CERKL: variants seen among roughly 807,000 people sequenced by gnomAD.
CERKL encodes CERK like autophagy regulator, also known as ceramide kinase-like protein.
A neutral mutation model predicts 63.4 loss-of-function variants in CERKL; 61 were observed. That is an observed-to-expected ratio of 0.96 (90% CI 0.78 to 1.19). CERKL has a LOEUF of 1.19. CERKL is among the 50% of genes most tolerant of loss of function. The pLI, the probability that CERKL is intolerant of heterozygous loss-of-function variation, is 0.00. For synonymous variants in CERKL, 250 were observed against 230.5 expected, an observed-to-expected ratio of 1.08 and a Z score of -0.77; for missense variants, 675 against 655.5, an observed-to-expected ratio of 1.03 and a Z score of -0.33.
chr2:181,554,164 C>CAAAAAAAAAAAAAAAAAAAA lies in CERKL; in HGVS notation c.820+4382_820+4401dup, dbSNP rs36086391. ...AAATACCAGGGAGAAACTATGGAGG[C>CAAAAAAAAAAAAAAAAAAAA]AAAAAAAAAAAAAAAAAAAAAATGT... On this transcript the variant is annotated intron_variant, in intron 5 of 12. Coordinates refer to ENST00000410087, the MANE Select transcript of CERKL (RefSeq NM_201548.5). Among the ~76,000 whole-genome samples the CAAAAAAAAAAAAAAAAAAAA allele has an allele frequency of 2.1e-5, 2 of 94,282 alleles. 1 individual carries two copies. The highest frequency in any genetic ancestry group is 4.2e-5 in the Non-Finnish European group (2 of 47,530). The allele number at this position is 94,282 out of a possible 152,430, so 61.9% of individuals were successfully genotyped here.
chr2:181,539,275 AT>A lies in CERKL; in HGVS notation c.1366-12del, dbSNP rs1221475079. 7.9e-6 allele frequency: 12 copies of A among 1,522,950 alleles called. No individual in the cohort carries two copies. In the Admixed American group the frequency reaches 1.8e-4, roughly 23 times the overall value. 94.3% of individuals were successfully genotyped at this position (1,522,950 alleles called of 1,614,324 possible). ...AAATGGAAAATTGAACTAAAAATAA[AT>A]ACAAATAATCATTATACTTGGTTTA... On this transcript the variant is annotated splice_polypyrimidine_tract_variant and intron_variant, in intron 11 of 12. Coordinates refer to ENST00000410087, the MANE Select transcript of CERKL (RefSeq NM_201548.5).
intron 3 of CERKL, among the ~76,000 whole-genome samples, chr2:181,571,935 C>G (rs1688919606): frequency 6.6e-6 from 1 of 152,164 alleles, no homozygotes; most frequent in African/African-American, 2.4e-5. Context: ...ATGCACACCT[C>G]TCCCCATCCC....
intron 1 of CERKL, among the ~76,000 whole-genome samples, chr2:181,619,792 T>G (rs146572116): frequency 6.6e-6 from 1 of 152,274 alleles, no homozygotes; most frequent in East Asian, 1.9e-4. Context: ...TACTACTCAG[T>G]TGACATTTAA....
At chr2:181,654,600 T>C (rs1030496004) in intron 1 of CERKL, among the ~76,000 whole-genome samples, 8 of 152,168 alleles carry the variant, frequency 5.3e-5, no homozygotes, top group Non-Finnish European at 8.8e-5. Flanking sequence ...GCAATGGACA[T>C]GCTCTCCCCC....
rs562299288 is a variant in CERKL, at chr2:181,638,244, G to C, written c.238+18525C>G. On this transcript the variant is annotated intron_variant, in intron 1 of 12. Transcript: ENST00000410087. ...ACATAGGGGAAGTTTTAGCAATGAT[G>C]TTGCTTAGTTCTCAAATTGAGGTCT... Among the ~76,000 whole-genome samples the C allele has an allele frequency of 3.1e-4, 47 of 152,288 alleles. 1 individual carries two copies. Among genetic ancestry groups the C allele is most frequent in the African/African-American group, 1.0e-3 (43 of 41,554 alleles).
chr2:181,646,790 G>T (rs1337286556), intron 1 of CERKL, among the ~76,000 whole-genome samples: 4 of 152,178 alleles, frequency 2.6e-5, no homozygotes, highest in African/African-American at 9.7e-5. Flanking sequence ...TGAGCAATTA[G>T]AAGACTTCTG....
chr2:181,656,470 G>C (rs7570291), intron 1 of CERKL, among the ~76,000 whole-genome samples: 64,844 of 151,802 alleles, frequency 0.43, 15,500 homozygotes, highest in South Asian at 0.77. Flanking sequence ...TTTCTGCTGA[G>C]ACTCTGAGCA....
chr2:181,625,924 T>C (rs889956980), intron 1 of CERKL, among the ~76,000 whole-genome samples: 2 of 152,330 alleles, frequency 1.3e-5, no homozygotes, highest in East Asian at 3.9e-4. Flanking sequence ...TATTGTTTAA[T>C]AGACAAAAAT....
chr2:181,606,084 G>T (rs1685664983), intron 1 of CERKL, among the ~76,000 whole-genome samples: 1 of 149,056 alleles, frequency 6.7e-6, no homozygotes, highest in Admixed American at 6.8e-5. Context: ...GAAAAAGAAA[G>T]AGAAAGAAAG....
At chr2:181,593,668 A>G (rs1431411850) in intron 2 of CERKL, among the ~76,000 whole-genome samples, 1 of 152,024 alleles carries the variant, frequency 6.6e-6, no homozygotes. Flanking sequence ...TCTTTTGCCA[A>G]TATAAAGGGT....
In CERKL at chr2:181,538,053, C is replaced by T; in HGVS notation, c.*131G>A. Reference sequence around the variant, plus strand: ...GGAACAGTTCATCCTGAAACCATTCCCCCATCCACGGAAAAATTGTCTTCC... The same window carrying T: ...GGAACAGTTCATCCTGAAACCATTCTCCCATCCACGGAAAAATTGTCTTCC... On this transcript the variant is annotated 3_prime_UTR_variant, in exon 13 of 13. Transcript: ENST00000410087. The T allele has an allele frequency of 1.4e-6, 1 of 706,532 alleles. No individual in the cohort carries two copies. The highest frequency in any genetic ancestry group is 2.6e-6 in the Non-Finnish European group (1 of 379,338). 43.8% of individuals were successfully genotyped at this position (706,532 alleles called of 1,614,324 possible). A position where few individuals can be genotyped will look rare whatever the true frequency, so the allele number is the denominator to read the frequency against.
chr2:181,579,895 T>G (rs1684424759), intron 2 of CERKL, among the ~76,000 whole-genome samples: 1 of 151,910 alleles, frequency 6.6e-6, no homozygotes, highest in South Asian at 2.1e-4. Flanking sequence ...AATTTTTGTA[T>G]GTGTTTGGAT....
At chr2:181,576,979 C>T (rs1457590566) in intron 2 of CERKL, among the ~76,000 whole-genome samples, 1 of 152,146 alleles carries the variant, frequency 6.6e-6, no homozygotes, top group Admixed American at 6.5e-5. Context: ...AAGGAACTGG[C>T]ATATTCATCA....
chr2:181,619,810 T>C (rs1321884201), intron 1 of CERKL, among the ~76,000 whole-genome samples: 1 of 152,148 alleles, frequency 6.6e-6, no homozygotes. Context: ...TAATCGCATA[T>C]CAGAAGTTAT....
intron 1 of CERKL, among the ~76,000 whole-genome samples, chr2:181,614,981 C>T (rs1351802450): frequency 6.6e-6 from 1 of 152,104 alleles, no homozygotes; most frequent in Non-Finnish European, 1.5e-5. Context: ...TGCTTGGCGG[C>T]ATGTGGTTTA....
chr2:181,637,167 T>C (rs940265139), intron 1 of CERKL, among the ~76,000 whole-genome samples: 5 of 152,194 alleles, frequency 3.3e-5, no homozygotes, highest in Non-Finnish European at 7.4e-5. Context: ...AGGAAATACA[T>C]GCCCTTATAC....
Position 181,656,969 on chromosome 2 carries a change from A to G in CERKL, c.38T>C (p.Leu13Pro), listed in dbSNP as rs1356470202. Reference sequence around the variant, plus strand: ...CGCCTCTTCCTCCCGGCCGCCCTCCAGGGCACTCACCCGGTTCCTGCGCCT... The same window carrying G: ...CGCCTCTTCCTCCCGGCCGCCCTCCGGGGCACTCACCCGGTTCCTGCGCCT... ...WRRRRNRVSA[L>P]EGGREEEAPP... Residue 13 changes from leucine (L) to proline (P), a missense_variant, in exon 1 of 13, where the codon CTG becomes CCG. Leu to Pro is a moderately conservative substitution (Grantham distance 98). Transcript: ENST00000410087. 1.9e-6 allele frequency: 3 copies of G among 1,584,462 alleles called. No homozygotes were observed. Among genetic ancestry groups the G allele is most frequent in the South Asian group, 1.1e-5 (1 of 88,958 alleles).
intron 12 of CERKL, 56 bp from the exon 13 acceptor site, chr2:181,538,300 T>A: frequency 4.0e-6 from 4 of 1,009,914 alleles, no homozygotes; most frequent in South Asian, 2.6e-5. Flanking sequence ...CACATACACC[T>A]AATAAGTATG....
chr2:181,631,406 G>C (rs961424845), intron 1 of CERKL, among the ~76,000 whole-genome samples: 2 of 152,132 alleles, frequency 1.3e-5, no homozygotes, highest in Non-Finnish European at 2.9e-5. Context: ...GCTAAGTGGA[G>C]AAACAGGCAC....
Sources: gnomAD v4.1 joint callset for allele counts (sites outside exome capture counted in the v4.1 genomes callset) on GRCh38, gnomAD v4.1.1 for gene constraint, MANE v1.5 for transcripts, NCBI Gene and HGNC (gene_info 2026-07-23, HGNC 2026-07-21) for gene names.